Variants in CLHC1 observed in about 807,000 individuals in gnomAD.
CLHC1 encodes the protein clathrin heavy chain linker domain containing 1, also known as clathrin heavy chain linker domain-containing protein 1.
In CLHC1, 72 loss-of-function variants were observed where a neutral mutation model predicts 69.5. The ratio of observed to expected loss-of-function variants is 1.04; its 90% CI spans 0.86 to 1.26. The LOEUF (loss-of-function observed/expected upper bound fraction) is 1.26. Among genes scored for constraint, CLHC1 ranks in the 50% most tolerant of loss-of-function variants. The pLI is 0.00. For missense variants in CLHC1, 790 were observed against 679.3 expected (o/e 1.16, Z -1.81); for synonymous variants, 223 against 224.3 (o/e 0.99, Z 0.05).
intron 9 of CLHC1, among the ~76,000 whole-genome samples, chr2:55,187,640 C>T (rs1165051101): frequency 2.6e-5 from 4 of 151,676 alleles, no homozygotes; most frequent in Non-Finnish European, 5.9e-5. Flanking sequence ...AAGAAAAATA[C>T]TGAACTCCCA....
intron 11 of CLHC1, among the ~76,000 whole-genome samples, chr2:55,179,468 C>T (rs936037096): frequency 6.6e-6 from 1 of 152,048 alleles, no homozygotes; most frequent in Non-Finnish European, 1.5e-5. Flanking sequence ...AAAAAAACAA[C>T]AACATAGATT....
At chr2:55,180,384 CTACTTATTGG>C in intron 11 of CLHC1, 116 bp downstream of exon 11, 2 of 628,196 alleles carry the variant, frequency 3.2e-6, no homozygotes, top group Non-Finnish European at 5.4e-6. Context: ...AAGAAATCTC[CTACTTATTGG>C]TATATATAAA....
At chr2:55,185,914 A>G (rs1670372770) in intron 9 of CLHC1, among the ~76,000 whole-genome samples, 1 of 152,202 alleles carries the variant, frequency 6.6e-6, no homozygotes, top group South Asian at 2.1e-4. Flanking sequence ...ATGTCTTAAA[A>G]ACTAGGTTTT....
At chr2:55,224,538 A>G (rs933652698) in intron 2 of CLHC1, 5 of 288,960 alleles carry the variant, frequency 1.7e-5, no homozygotes, top group Admixed American at 8.5e-5. Context: ...GAAGTCCCTG[A>G]GCATCTGCCA....
At chr2:55,225,508 G>A (rs1674603783) in intron 2 of CLHC1, 1 of 152,210 alleles carries the variant, frequency 6.6e-6, no homozygotes, top group African/African-American at 2.4e-5. Context: ...GGGTCTCCCG[G>A]GAAGCTGAGT....
chr2:55,194,834 A>C (rs1671248913), intron 9 of CLHC1, among the ~76,000 whole-genome samples: 1 of 152,212 alleles, frequency 6.6e-6, no homozygotes, highest in Non-Finnish European at 1.5e-5. Flanking sequence ...GTCAAGCTAA[A>C]TTAACATATC....
intron 9 of CLHC1, among the ~76,000 whole-genome samples, chr2:55,185,300 G>A (rs1558454652): frequency 6.6e-6 from 1 of 152,042 alleles, no homozygotes; most frequent in Non-Finnish European, 1.5e-5. Flanking sequence ...TAATGAGATG[G>A]GCTAAAACTA....
At chr2:55,230,894 T>C (rs1444898072) in intron 1 of CLHC1, among the ~76,000 whole-genome samples, 2 of 151,990 alleles carry the variant, frequency 1.3e-5, no homozygotes, top group African/African-American at 4.8e-5. Flanking sequence ...TTAGAGACAA[T>C]ATGTACAAGC....
chr2:55,218,462 A>C (rs1320914223), intron 3 of CLHC1: 1 of 152,244 alleles, frequency 6.6e-6, no homozygotes, highest in African/African-American at 2.4e-5. Flanking sequence ...CAATATTCTC[A>C]ATATCTAATT....
chr2:55,208,690 C>A lies in CLHC1; in HGVS notation c.835G>T (p.Glu279Ter), dbSNP rs779093513. The stretch of plus-strand genomic sequence containing the variant: ...CTGCGTGGATCATCTTCCATTAGTT[C>A]TTCAACAATGCCTTGGTCACCTGTA... ...YLQGDQGIVE[E>*]LMEDDPRRAK... Residue 279 changes from glutamate to a stop codon, truncating the protein, a stop_gained, in exon 8 of 13, where the codon GAA becomes TAA. Transcript: ENST00000401408. LOFTEE classifies it high-confidence loss of function. The A allele has an allele frequency of 1.9e-6, 3 of 1,610,484 alleles. No individual in the cohort carries two copies. Among genetic ancestry groups the A allele is most frequent in the Non-Finnish European group, 2.5e-6 (3 of 1,176,994 alleles).
rs762467748 is a variant in CLHC1, at chr2:55,209,589, T to TA, written c.701+40dup. On this transcript the variant is annotated intron_variant, in intron 6 of 12. Coordinates refer to ENST00000401408, the MANE Select transcript of CLHC1 (RefSeq NM_152385.4). ...GGTGGAATATTAGAATAAACACAAA[T>TA]AAAACTCCAAACTTTAAAAACATAT... is the stretch of plus-strand genomic sequence containing the variant. 15 of 1,598,206 alleles carry TA rather than the reference T, an allele frequency of 9.4e-6. No individual in the cohort carries two copies. The Admixed American group carries it at 2.2e-4, about 23-fold the overall frequency.
At chr2:55,225,057 T>C (rs899308916) in intron 2 of CLHC1, 3 of 155,462 alleles carry the variant, frequency 1.9e-5, no homozygotes, top group Non-Finnish European at 4.3e-5. Context: ...GGCAGACAGA[T>C]GCCAGACCAG....
At chr2:55,180,844 T>C (rs1304435327) in intron 10 of CLHC1, 132 bp from the exon 11 acceptor site, 5 of 640,612 alleles carry the variant, frequency 7.8e-6, no homozygotes, top group Non-Finnish European at 1.1e-5. Flanking sequence ...TACAATTTAA[T>C]AGGCAATTGA....
At chr2:55,194,684 G>A (rs548645244) in intron 9 of CLHC1, among the ~76,000 whole-genome samples, 13 of 152,210 alleles carry the variant, frequency 8.5e-5, no homozygotes, top group South Asian at 2.1e-4. Flanking sequence ...AAGATTTAGC[G>A]AAGTCACAGG....
chr2:55,184,963 A>AC (rs1558454247), intron 9 of CLHC1, among the ~76,000 whole-genome samples: 32 of 88,910 alleles, frequency 3.6e-4, no homozygotes, highest in African/African-American at 1.2e-3. Flanking sequence ...CACACACACA[A>AC]AGATTTCCTA....
At chr2:55,232,095 C>T (rs973492162) in intron 1 of CLHC1, 128 bp downstream of exon 1, 1 of 153,114 alleles carries the variant, frequency 6.5e-6, no homozygotes, top group African/African-American at 2.4e-5. Context: ...CTCTGCCCAT[C>T]ACCGCTTCTG....
chr2:55,222,653 C>T (rs937730963), intron 2 of CLHC1, among the ~76,000 whole-genome samples, 160 bp from the exon 3 acceptor site: 9 of 152,124 alleles, frequency 5.9e-5, no homozygotes, highest in African/African-American at 2.2e-4. Flanking sequence ...AGCGTGGTGG[C>T]TCATGCCTGT....
At chr2:55,199,296 CAAAAAAAAAAAAAAA>C (rs57570449) in intron 9 of CLHC1, among the ~76,000 whole-genome samples, 1 of 70,960 alleles carries the variant, frequency 1.4e-5, no homozygotes, top group African/African-American at 6.1e-5. Context: ...GACTCCATCT[CAAAAAAAAAAAAAAA>C]AAAAAAAAAA....
chr2:55,206,908 C>G (rs984385183), intron 8 of CLHC1: 4 of 151,938 alleles, frequency 2.6e-5, no homozygotes, highest in African/African-American at 7.3e-5. Context: ...AGATCGAGAC[C>G]ATCCTGGCTA....
Sources: allele counts gnomAD v4.1 joint callset (sites outside exome capture counted in the v4.1 genomes callset), GRCh38; gene constraint gnomAD v4.1.1; transcripts MANE v1.5; gene names NCBI Gene and HGNC (gene_info 2026-07-23, HGNC 2026-07-21).